Variants in CDAN1 observed in about 807,000 individuals in gnomAD.
CDAN1 encodes the protein codanin-1.
CDAN1 carries 107 observed loss-of-function variants against 139.8 expected under a neutral mutation model. The ratio of observed to expected loss-of-function variants is 0.77; its 90% CI spans 0.65 to 0.90. The LOEUF is 0.90. CDAN1 is among the 40% of genes least tolerant of loss of function. The probability of loss-of-function intolerance (pLI) is 0.00; values close to 1 mark genes in which losing one functional copy is unlikely to be tolerated. For missense variants in CDAN1, 1,667 were observed against 1,575.7 expected, an observed-to-expected ratio of 1.06 and a Z score of -0.98; for synonymous variants, 776 against 660.6, an observed-to-expected ratio of 1.17 and a Z score of -2.68.
In CDAN1 at chr15:42,736,761, G is replaced by A. The variant is rs1362430830; in HGVS notation, c.110C>T (p.Ala37Val). 6.5e-7 allele frequency: 1 copy of A among 1,550,118 alleles called. No homozygotes were observed. The highest frequency in any genetic ancestry group is 8.7e-7 in the Non-Finnish European group (1 of 1,153,820). ...QGSEDNAGEA[A>V]ALSSLRALRK... The stretch of plus-strand genomic sequence containing the variant: ...CAGGGCCCGGAGTGAGCTCAGCGCG[G>A]CCGCCTCCCCAGCGTTATCCTAGGG... The change falls in exon 2 of 28, where the codon GCC (alanine) becomes GTC (valine). Residue 37 changes from alanine (A) to valine (V), a missense_variant. This residue lies in a region of CDAN1 where 487 missense variants were observed against 422.2 expected (regional missense o/e 1.15). Coordinates refer to ENST00000356231, the MANE Select transcript of CDAN1 (RefSeq NM_138477.4).
intron 23 of CDAN1, 179 bp from the exon 24 acceptor site, chr15:42,726,596 G>GCAAC (rs1480950226): frequency 3.3e-6 from 2 of 607,478 alleles, no homozygotes; most frequent in African/African-American, 3.7e-5. Context: ...GCCAGGGGAA[G>GCAAC]CAACCATGTG....
chr15:42,729,477 G>A, intron 17 of CDAN1, 91 bp downstream of exon 17: 2 of 1,599,024 alleles, frequency 1.3e-6, no homozygotes, highest in Non-Finnish European at 1.7e-6. Context: ...TATGAACGGA[G>A]CAATATCCAA....
chr15:42,733,828 A>C, intron 8 of CDAN1, 110 bp downstream of exon 8: 1 of 807,366 alleles, frequency 1.2e-6, no homozygotes, highest in Admixed American at 2.0e-5. Flanking sequence ...TGGGGGGACT[A>C]ACCCACCACC....
chr15:42,728,106 T>C, intron 21 of CDAN1, 73 bp from the exon 22 acceptor site: 3 of 1,584,524 alleles, frequency 1.9e-6, no homozygotes, highest in South Asian at 1.1e-5. Context: ...AGTCGAGCAC[T>C]GACCCCGCCC....
In CDAN1 at chr15:42,731,312, G is replaced by A. The variant is rs1457528720; in HGVS notation, c.1759C>T (p.Leu587Phe). 3.7e-6 allele frequency: 6 copies of A among 1,614,092 alleles called. No homozygotes were observed. The East Asian group carries it at 1.1e-4, about 30-fold the overall frequency. Residue 587 changes from leucine (L) to phenylalanine (F), a missense_variant, in exon 12 of 28, where the codon CTC (leucine) becomes TTC (phenylalanine). Physicochemically the swap from Leu to Phe is conservative, Grantham distance 22. Coordinates refer to ENST00000356231, the MANE Select transcript of CDAN1 (RefSeq NM_138477.4). ...ATCTTCAAGCTCAGACTGTCCATGA[G>A]ATGCTGGTTAAACTGGAAGCTGAGA... ...SASSFQFNQH[L>F]MDSLSLKIQE...
chr15:42,731,979 T>G (rs1453403687), intron 10 of CDAN1, among the ~76,000 whole-genome samples, 154 bp from the exon 11 acceptor site: 1 of 152,258 alleles, frequency 6.6e-6, no homozygotes, highest in African/African-American at 2.4e-5. Flanking sequence ...TACAGTATTG[T>G]TTCACAGGTG....
In CDAN1 at chr15:42,728,670, G is replaced by T. The variant is rs777468443; in HGVS notation, c.2786C>A (p.Ala929Glu). Residue 929 changes from alanine to glutamate, a missense_variant, in exon 20 of 28, where the codon GCA becomes GAA. Physicochemically the swap from Ala to Glu is moderately radical, Grantham distance 107 (BLOSUM62 -1). Around this residue, in one of 3 missense-constraint regions of CDAN1, gnomAD observed 936 missense variants for 844.1 expected, o/e 1.11. Transcript: ENST00000356231. The part of the protein sequence containing the change: ...CSQLCPHGAQ[A>E]LALGREFCQR... ...TGCTTACTCCCGCCCCAGGGCCAAT[G>T]CCTGGGCCCCGTGAGGGCACAGCTG... is the stretch of plus-strand genomic sequence containing the variant. The T allele has an allele frequency of 1.2e-6, 2 of 1,614,140 alleles. No individual in the cohort carries two copies. Among genetic ancestry groups the T allele is most frequent in the East Asian group, 4.5e-5 (2 of 44,866 alleles).
chr15:42,724,640 GA>G, intron 27 of CDAN1, 24 bp from the exon 28 acceptor site: 6 of 1,551,448 alleles, frequency 3.9e-6, no homozygotes, highest in Non-Finnish European at 4.4e-6. Flanking sequence ...AAAGATGAGG[GA>G]AAAGGCAGCA....
In CDAN1 at chr15:42,730,997, G is replaced by T; in HGVS notation, c.1935C>A (p.Phe645Leu). 1 of 1,614,158 alleles carries T rather than the reference G, an allele frequency of 6.2e-7. No homozygotes were observed. Among genetic ancestry groups the T allele is most frequent in the Non-Finnish European group, 8.5e-7 (1 of 1,180,010 alleles). ...LLAKFLGFVAFLPYRGPEPPP... is the reference protein window; with the variant it reads ...LLAKFLGFVALLPYRGPEPPP... ...GAGGTTCAGGCCCCCGGTATGGCAG[G>T]AAAGCCACAAAGCCCAGGAATTTAG... Residue 645 changes from phenylalanine to leucine, a missense_variant, in exon 13 of 28, where the codon TTC (phenylalanine) becomes TTA (leucine). Around this residue, in one of 3 missense-constraint regions of CDAN1, gnomAD observed 936 missense variants for 844.1 expected, o/e 1.11. Coordinates refer to ENST00000356231, the MANE Select transcript of CDAN1 (RefSeq NM_138477.4).
chr15:42,734,137 C>CTGAAGTG (rs2061655023), intron 7 of CDAN1, 89 bp downstream of exon 7: 8 of 1,605,486 alleles, frequency 5.0e-6, no homozygotes, highest in East Asian at 2.2e-5. Context: ...TCACATTACA[C>CTGAAGTG]TGAAGTGTCG....
Position 42,736,641 on chromosome 15 carries a change from C to A in CDAN1, c.230G>T (p.Gly77Val). 1 of 1,522,306 alleles carries A rather than the reference C, an allele frequency of 6.6e-7. No homozygotes were observed. The highest frequency in any genetic ancestry group is 2.7e-5 in the East Asian group (1 of 37,668). The allele number at this position is 1,522,306 out of a possible 1,614,324, so 94.3% of individuals were successfully genotyped here. ...QGPPTPAKTP[G>V]ASAALPGRPG... ...CCTCCCTGGCAAGGCTGCCGAGGCG[C>A]CCGGGGTCTTGGCGGGGGTCGGGGG... is the stretch of plus-strand genomic sequence containing the variant. Residue 77 changes from glycine to valine, a missense_variant, in exon 2 of 28, where the codon GGC (glycine) becomes GTC (valine). Around this residue, in one of 3 missense-constraint regions of CDAN1, gnomAD observed 487 missense variants for 422.2 expected, o/e 1.15. Transcript: ENST00000356231.
intron 8 of CDAN1, 55 bp from the exon 9 acceptor site, chr15:42,733,241 C>CAGGGGCAGGAA: frequency 6.9e-7 from 1 of 1,450,246 alleles, no homozygotes; most frequent in Non-Finnish European, 9.7e-7. Context: ...CAGTGCCTTC[C>CAGGGGCAGGAA]TGCCCCTGGA....
At chr15:42,727,829 T>A (rs948676667) in intron 22 of CDAN1, 60 bp from the exon 23 acceptor site, 3 of 1,610,968 alleles carry the variant, frequency 1.9e-6, no homozygotes, top group Non-Finnish European at 1.7e-6. Context: ...AGGTTCACCA[T>A]GCTAACCCAT....
rs1305126030 is a variant in CDAN1 at position 42,736,780 on chromosome 15, C to T, written c.91G>A (p.Asp31Asn). Residue 31 changes from aspartate (D) to asparagine (N), a missense_variant and splice_region_variant, in exon 2 of 28, where the codon GAT (aspartate) becomes AAT (asparagine). Asp to Asn is a conservative substitution (Grantham distance 23, BLOSUM62 1). This residue lies in a region of CDAN1 where 487 missense variants were observed against 422.2 expected (regional missense o/e 1.15). Transcript: ENST00000356231. ...WIARSTQGSEDNAGEAAALSS... is the reference protein window; with the variant it reads ...WIARSTQGSENNAGEAAALSS... ...AGCGCGGCCGCCTCCCCAGCGTTAT[C>T]CTAGGGCAGAAGCACAGGTGGAGGG... 6 of 1,534,296 alleles carry T rather than the reference C, an allele frequency of 3.9e-6. No homozygotes were observed. The highest frequency in any genetic ancestry group is 4.1e-5 in the Admixed American group (2 of 49,022).
At chr15:42,726,269 A>G (rs768840475) in intron 24 of CDAN1, 41 bp downstream of exon 24, 2 of 1,593,930 alleles carry the variant, frequency 1.3e-6, no homozygotes, top group East Asian at 4.5e-5. Context: ...TCACACAAGG[A>G]CACAGAAAAA....
rs767465164 is a variant in CDAN1 at position 42,731,778 on chromosome 15, G to A, written c.1581C>T (p.Ala527=). ...GGAGGTVLGE[A]PDVLSMLGAD... ...CTCCCAGCATACTCAACACATCTGG[G>A]GCCTCGCCCAAGACGGTGCCCCCAG... Residue 527 remains alanine (A), a synonymous_variant, in exon 11 of 28, where the codon GCC becomes GCT. Transcript: ENST00000356231. 1.4e-5 allele frequency: 22 copies of A among 1,614,004 alleles called. No homozygotes were observed. The highest frequency in any genetic ancestry group is 8.3e-5 in the Admixed American group (5 of 60,004).
rs199776068 is a variant in CDAN1, at chr15:42,730,699, G to A, written c.2073C>T (p.Leu691=). Residue 691 remains leucine, a synonymous_variant, in exon 14 of 28, where the codon CTC becomes CTT. Coordinates refer to ENST00000356231, the MANE Select transcript of CDAN1 (RefSeq NM_138477.4). ...GAAACTCCACCAGCCAGGGCACGGTGAGCACCGCCCGGCGGGCCTGCAGCC... is the reference window on the plus strand; with the variant it reads ...GAAACTCCACCAGCCAGGGCACGGTAAGCACCGCCCGGCGGGCCTGCAGCC... ...QRGLQARRAV[L]TVPWLVEFLS... is the part of the protein sequence containing the mutation. The A allele has an allele frequency of 3.7e-6, 6 of 1,613,732 alleles. No individual in the cohort carries two copies. The highest frequency in any genetic ancestry group is 5.1e-6 in the Non-Finnish European group (6 of 1,179,888).
Position 42,724,295 on chromosome 15 carries a change from C to T in CDAN1, c.*196G>A. On this transcript the variant is annotated 3_prime_UTR_variant, in exon 28 of 28. Transcript: ENST00000356231. ...TCTCTGGACTTTTCTGCCATAATCCCAAATCAGGCCAACTCTCCTTCCTCT... is the reference window on the plus strand; with the variant it reads ...TCTCTGGACTTTTCTGCCATAATCCTAAATCAGGCCAACTCTCCTTCCTCT... 1 of 678,790 alleles carries T rather than the reference C, an allele frequency of 1.5e-6. No homozygotes were observed. The highest frequency in any genetic ancestry group is 2.5e-6 in the Non-Finnish European group (1 of 401,902). 42.0% of individuals were successfully genotyped at this position (678,790 alleles called of 1,614,324 possible). A position where few individuals can be genotyped will look rare whatever the true frequency, so the allele number is the denominator to read the frequency against.
rs772242139 is a variant in CDAN1 at position 42,726,385 on chromosome 15, GTCCCGTGGCCCCACGGCCAAGGA to G, written c.3106_3128del (p.Ser1036ProfsTer2). 6 of 1,599,290 alleles carry G rather than the reference GTCCCGTGGCCCCACGGCCAAGGA, an allele frequency of 3.8e-6. No homozygotes were observed. The East Asian group carries it at 1.4e-4, about 36-fold the overall frequency. ...GCTCTGGGGAGACTCCCTCGTCAGG[GTCCCGTGGCCCCACGGCCAAGGA>G]GAGCACGTCCTGTGAAGAGCAGGGG... On this transcript the variant is annotated frameshift_variant, in exon 24 of 28. Transcript: ENST00000356231. LOFTEE classifies it high-confidence loss of function.
Sources: gnomAD v4.1 joint callset for allele counts (sites outside exome capture counted in the v4.1 genomes callset) on GRCh38, gnomAD v4.1.1 for gene constraint, gnomAD v4.1.1 regional missense constraint, MANE v1.5 for transcripts, NCBI Gene and HGNC (gene_info 2026-07-23, HGNC 2026-07-21) for gene names.